The following LOC128125817 variants were observed in gnomAD, a reference collection of about 807,000 sequenced individuals.
the LOC128125817 span, among the ~76,000 whole-genome samples, chr1:41,618,493 G>A: frequency 6.6e-6 from 1 of 152,150 alleles, no homozygotes; most frequent in African/African-American, 2.4e-5. Flanking sequence ...GCCTCCTACC[G>A]AGGCCCAGTG....
At chr1:41,601,067 T>C in the LOC128125817 span, among the ~76,000 whole-genome samples, 1 of 152,200 alleles carries the variant, frequency 6.6e-6, no homozygotes, top group Admixed American at 6.5e-5. Context: ...AGTCAGCATA[T>C]ATACTGGATT....
chr1:41,600,911 G>A, the LOC128125817 span, among the ~76,000 whole-genome samples: 8 of 152,104 alleles, frequency 5.3e-5, no homozygotes, highest in Admixed American at 2.6e-4. Flanking sequence ...CTTTATGTAC[G>A]GTGATTTTTA....
chr1:41,624,577 A>G, the LOC128125817 span, among the ~76,000 whole-genome samples: 1 of 152,212 alleles, frequency 6.6e-6, no homozygotes, highest in Non-Finnish European at 1.5e-5. Context: ...TCAGGACTCT[A>G]TATGCGTACA....
chr1:41,612,340 G>T, the LOC128125817 span, among the ~76,000 whole-genome samples: 1 of 152,200 alleles, frequency 6.6e-6, no homozygotes, highest in Non-Finnish European at 1.5e-5. Flanking sequence ...CCTTACGTTA[G>T]TGCAGTGACT....
the LOC128125817 span, among the ~76,000 whole-genome samples, chr1:41,622,835 A>C: frequency 6.6e-6 from 1 of 152,228 alleles, no homozygotes; most frequent in Admixed American, 6.5e-5. Flanking sequence ...GGGGATGGAG[A>C]TCAACAACAA....
the LOC128125817 span, among the ~76,000 whole-genome samples, chr1:41,608,234 T>C: frequency 0.34 from 51,099 of 152,098 alleles, 11,429 homozygotes; most frequent in African/African-American, 0.6. Flanking sequence ...GCAAGTCTCC[T>C]AGTAATAACC....
At chr1:41,593,590 T>C in the LOC128125817 span, among the ~76,000 whole-genome samples, 2 of 152,228 alleles carry the variant, frequency 1.3e-5, no homozygotes, top group African/African-American at 4.8e-5. Context: ...GACTGGCAAA[T>C]AGCTCTTCAA....
At chr1:41,592,754 A>C in the LOC128125817 span, among the ~76,000 whole-genome samples, 1 of 152,258 alleles carries the variant, frequency 6.6e-6, no homozygotes, top group Non-Finnish European at 1.5e-5. Flanking sequence ...TTTTCTGCAG[A>C]TGCTTGGCTC....
chr1:41,613,972 A>G, the LOC128125817 span, among the ~76,000 whole-genome samples: 1 of 152,184 alleles, frequency 6.6e-6, no homozygotes, highest in African/African-American at 2.4e-5. Flanking sequence ...CATTTGCACT[A>G]AAAATATCAG....
the LOC128125817 span, among the ~76,000 whole-genome samples, chr1:41,601,206 G>C: frequency 3.3e-5 from 5 of 152,068 alleles, no homozygotes; most frequent in Non-Finnish European, 5.9e-5. Context: ...CTTTGTTCTT[G>C]TGTCAGAGGA....
At chr1:41,595,883 T>C in the LOC128125817 span, among the ~76,000 whole-genome samples, 2 of 152,226 alleles carry the variant, frequency 1.3e-5, no homozygotes, top group Admixed American at 1.3e-4. Flanking sequence ...GCTTCCTTGC[T>C]TGCAGACGGC....
chr1:41,587,579 G>T, the LOC128125817 span, among the ~76,000 whole-genome samples: 1 of 152,230 alleles, frequency 6.6e-6, no homozygotes, highest in Non-Finnish European at 1.5e-5. Context: ...CTAGGCATAA[G>T]TGCCAACTGT....
chr1:41,612,284 G>A, the LOC128125817 span, among the ~76,000 whole-genome samples: 1 of 152,160 alleles, frequency 6.6e-6, no homozygotes, highest in African/African-American at 2.4e-5. Context: ...CCCCTGGCCG[G>A]TGTTTACACC....
chr1:41,621,499 G>A, the LOC128125817 span, among the ~76,000 whole-genome samples: 2 of 152,338 alleles, frequency 1.3e-5, no homozygotes, highest in South Asian at 4.1e-4. Flanking sequence ...CAATGAGCCT[G>A]CTCTTCTTCT....
At chr1:41,606,075 G>T in the LOC128125817 span, among the ~76,000 whole-genome samples, 2 of 149,680 alleles carry the variant, frequency 1.3e-5, no homozygotes, top group South Asian at 2.1e-4. Context: ...CTAGGCCCCA[G>T]AATGCCAAAC....
chr1:41,617,047 A>G, the LOC128125817 span, among the ~76,000 whole-genome samples: 2 of 152,132 alleles, frequency 1.3e-5, no homozygotes, highest in South Asian at 4.2e-4. Flanking sequence ...CTGTCTTCAG[A>G]CCCTGTGCTC....
At chr1:41,585,798 G>A in the LOC128125817 span, among the ~76,000 whole-genome samples, 5 of 152,218 alleles carry the variant, frequency 3.3e-5, no homozygotes, top group African/African-American at 1.2e-4. Context: ...ATGCTGCTGG[G>A]TGAACTCTGG....
chr1:41,590,110 A>T, the LOC128125817 span, among the ~76,000 whole-genome samples: 1 of 152,224 alleles, frequency 6.6e-6, no homozygotes. Flanking sequence ...CTTGCAAAAA[A>T]ATACTAAAAG....
chr1:41,587,626 T>A, the LOC128125817 span, among the ~76,000 whole-genome samples: 1 of 152,232 alleles, frequency 6.6e-6, no homozygotes, highest in Non-Finnish European at 1.5e-5. Flanking sequence ...ATCTCTTCTA[T>A]GGAGACTAAA....
Sources: gnomAD v4.1 joint callset for allele counts (sites outside exome capture counted in the v4.1 genomes callset) on GRCh38, gnomAD v4.1.1 for gene constraint, MANE v1.5 for transcripts.